Variants in PEAR1 observed in about 807,000 individuals in gnomAD.
PEAR1 encodes the protein platelet endothelial aggregation receptor 1, also known as multiple EGF-like domains protein 12.
PEAR1 carries 113 observed loss-of-function variants against 131.2 expected under a neutral mutation model. That is an observed-to-expected ratio of 0.86 (90% CI 0.74 to 1.01). The LOEUF is 1.01. PEAR1 is among the 50% of genes least tolerant of loss of function. The pLI is 0.00. For synonymous variants in PEAR1, 565 were observed against 523.3 expected, an observed-to-expected ratio of 1.08 and a Z score of -1.09; for missense variants, 1,408 against 1,391.1, an observed-to-expected ratio of 1.01 and a Z score of -0.19.
chr1:156,909,607 T>C (rs961671989), intron 11 of PEAR1, 144 bp from the exon 12 acceptor site: 24 of 909,588 alleles, frequency 2.6e-5, no homozygotes, highest in Non-Finnish European at 3.7e-5. Flanking sequence ...AAATAACTCA[T>C]AAGCTTTTCT....
At chr1:156,914,258 G>A (rs888743041) in intron 22 of PEAR1, among the ~76,000 whole-genome samples, 158 bp downstream of exon 22, 12 of 152,210 alleles carry the variant, frequency 7.9e-5, no homozygotes, top group Non-Finnish European at 1.0e-4. Flanking sequence ...ACGGGGAGGC[G>A]ACGTGGCCTC....
In PEAR1 at chr1:156,908,298, G is replaced by A; in HGVS notation, c.1073G>A (p.Ser358Asn). The A allele has an allele frequency of 6.4e-7, 1 of 1,571,924 alleles. No individual in the cohort carries two copies. Residue 358 changes from serine (S) to asparagine (N), a missense_variant, in exon 9 of 23, where the codon AGC becomes AAC. Coordinates refer to ENST00000292357, the MANE Select transcript of PEAR1 (RefSeq NM_001080471.3). This position sits in a 1 kb window ranked among gnomAD's most constrained non-coding sequence, Gnocchi z 4.2. Reference protein sequence around the residue: ...RLCPDGFYGLSCQAPCTCDRE... With the variant: ...RLCPDGFYGLNCQAPCTCDRE... ...TGCCCCGACGGCTTCTACGGTCTCA[G>A]CTGCCAGGCCCCCTGCACCTGCGAC...
chr1:156,913,388 T>G lies in PEAR1; in HGVS notation c.2512-3T>G. The G allele has an allele frequency of 6.2e-7, 1 of 1,612,946 alleles. No individual in the cohort carries two copies. Among genetic ancestry groups the G allele is most frequent in the Non-Finnish European group, 8.5e-7 (1 of 1,179,774 alleles). On this transcript the variant is annotated splice_polypyrimidine_tract_variant and splice_region_variant and intron_variant, in intron 19 of 22. Coordinates refer to ENST00000292357, the MANE Select transcript of PEAR1 (RefSeq NM_001080471.3). ...CTCTCCCTCCTGCACTGTCCCCTCT[T>G]AGGTTCCAGGCCCGCTCTTTGCCAG... is the stretch of plus-strand genomic sequence containing the variant.
chr1:156,914,143 G>T (rs771929932), intron 22 of PEAR1, 43 bp downstream of exon 22: 2 of 1,507,818 alleles, frequency 1.3e-6, no homozygotes, highest in African/African-American at 2.8e-5. Context: ...AGAGAACTGG[G>T]ACAAGGGAGG....
intron 1 of PEAR1, among the ~76,000 whole-genome samples, chr1:156,898,863 G>A (rs117579849): frequency 6.6e-6 from 1 of 152,292 alleles, no homozygotes; most frequent in East Asian, 1.9e-4. Context: ...CCTTAGTATA[G>A]GAACGGAAAA....
In PEAR1 at chr1:156,913,833, T is replaced by C. The variant is rs78827480; in HGVS notation, c.2714-19T>C. 1,637 of 1,610,944 alleles carry C rather than the reference T, an allele frequency of 1.0e-3. 17 individuals carry two copies. In the African/African-American group the frequency reaches 0.02, roughly 19 times the overall value. On this transcript the variant is annotated intron_variant, in intron 21 of 22. Coordinates refer to ENST00000292357, the MANE Select transcript of PEAR1 (RefSeq NM_001080471.3). ...AACCAGTGCCTCCATGCGGCCTGAC[T>C]TCTTTCCTCTATCCTTAGGGCTCAT...
chr1:156,907,736 G>A lies in PEAR1; in HGVS notation c.765+6G>A, dbSNP rs1309505122. On this transcript the variant is annotated splice_donor_region_variant and intron_variant, in intron 7 of 22. Coordinates refer to ENST00000292357, the MANE Select transcript of PEAR1 (RefSeq NM_001080471.3). Reference sequence around the variant, plus strand: ...GCTGCCCCCCTGGCTGGATGGTATGGAGGGTGGGGCCTGTGGGCATGGGGT... The same window carrying A: ...GCTGCCCCCCTGGCTGGATGGTATGAAGGGTGGGGCCTGTGGGCATGGGGT... 6.2e-7 allele frequency: 1 copy of A among 1,605,588 alleles called. No individual in the cohort carries two copies. The highest frequency in any genetic ancestry group is 8.5e-7 in the Non-Finnish European group (1 of 1,175,378).
At chr1:156,912,146 A>G in intron 15 of PEAR1, 101 bp from the exon 16 acceptor site, 1 of 1,435,846 alleles carries the variant, frequency 7.0e-7, no homozygotes, top group Non-Finnish European at 9.3e-7. Flanking sequence ...GTGCCCAGGG[A>G]GACCAAAGCT....
At chr1:156,906,488 GC>G (rs1650318461) in intron 5 of PEAR1, 120 bp downstream of exon 5, 2 of 1,529,822 alleles carry the variant, frequency 1.3e-6, no homozygotes, top group East Asian at 2.3e-5. Flanking sequence ...ACCCGCCAGA[GC>G]CCCATTGCTG....
chr1:156,904,908 C>T, intron 3 of PEAR1, 56 bp downstream of exon 3: 1 of 1,607,958 alleles, frequency 6.2e-7, no homozygotes, highest in Middle Eastern at 1.7e-4. Context: ...CTGCCTCAGC[C>T]TGGCCCCTGG....
chr1:156,909,734 C>A lies in PEAR1; in HGVS notation c.1412-17C>A. 1 of 1,583,326 alleles carries A rather than the reference C, an allele frequency of 6.3e-7. No homozygotes were observed. The highest frequency in any genetic ancestry group is 8.6e-7 in the Non-Finnish European group (1 of 1,160,144). ...GGAAATGGGTCCCCATACCTACCTA[C>A]CAGGCCCCTCCTCCAGGTTGGCAGC... On this transcript the variant is annotated splice_polypyrimidine_tract_variant and intron_variant, in intron 11 of 22. Coordinates refer to ENST00000292357, the MANE Select transcript of PEAR1 (RefSeq NM_001080471.3).
At position 156,906,889 on chromosome 1, in the gene PEAR1, TG is replaced by T. The variant is rs771219137; in HGVS notation, c.644+15del. On this transcript the variant is annotated intron_variant, in intron 6 of 22. Transcript: ENST00000292357. ...GAGAGAACTGGGCCCAGGTATGTAA[TG>T]GGGGGAACGACACTTTAACAAGATC... 8 of 1,612,478 alleles carry T rather than the reference TG, an allele frequency of 5.0e-6. No individual in the cohort carries two copies. Among genetic ancestry groups the T allele is most frequent in the Admixed American group, 3.3e-5 (2 of 59,824 alleles).
At chr1:156,904,915 C>T (rs1007417322) in intron 3 of PEAR1, 63 bp downstream of exon 3, 1 of 1,605,162 alleles carries the variant, frequency 6.2e-7, no homozygotes, top group Admixed American at 1.7e-5. Flanking sequence ...AGCCTGGCCC[C>T]TGGCCCTCTG....
rs1040982807 is a variant in PEAR1, at chr1:156,913,475, G to A, written c.2596G>A (p.Ala866Thr). Residue 866 changes from alanine (A) to threonine (T), a missense_variant, in exon 20 of 23, where the codon GCT (alanine) becomes ACT (threonine). Coordinates refer to ENST00000292357, the MANE Select transcript of PEAR1 (RefSeq NM_001080471.3). ...QGHDNHTTLP[A>T]DWKHRREPPP... ...GCATGATAACCACACCACCCTGCCT[G>A]CTGACTGGAAGCACCGCCGGGAGCC... The A allele has an allele frequency of 3.7e-6, 6 of 1,613,338 alleles. No individual in the cohort carries two copies. The highest frequency in any genetic ancestry group is 2.7e-5 in the African/African-American group (2 of 74,954).
At chr1:156,904,892 G>C (rs1371264598) in intron 3 of PEAR1, 40 bp downstream of exon 3, 1 of 1,612,934 alleles carries the variant, frequency 6.2e-7, no homozygotes, top group South Asian at 1.1e-5. Context: ...TGGGCTACCT[G>C]AGTCGCTGCC....
At chr1:156,901,983 G>A (rs1649728082) in intron 1 of PEAR1, among the ~76,000 whole-genome samples, 2 of 152,096 alleles carry the variant, frequency 1.3e-5, no homozygotes, top group South Asian at 4.1e-4. Context: ...TCTGGGGAGT[G>A]TCTCTAGGGC....
At position 156,913,229 on chromosome 1, in the gene PEAR1, C is replaced by T. The variant is rs760560376; in HGVS notation, c.2458C>T (p.Pro820Ser). Residue 820 changes from proline (P) to serine (S), a missense_variant, in exon 19 of 23, where the codon CCC becomes TCC. Physicochemically the swap from Pro to Ser is moderately conservative, Grantham distance 74. Transcript: ENST00000292357. ...GAGCTACAGTCACTACTACTCCAAC[C>T]CCAGCTACCACACCCTGTCGCAGTG... ...PPSYSHYYSN[P>S]SYHTLSQCSP... 2.0e-5 allele frequency: 33 copies of T among 1,613,704 alleles called. No individual in the cohort carries two copies. Among genetic ancestry groups the T allele is most frequent in the Non-Finnish European group, 2.6e-5 (31 of 1,179,918 alleles).
intron 1 of PEAR1, among the ~76,000 whole-genome samples, chr1:156,900,177 G>A (rs1007293188): frequency 1.3e-5 from 2 of 152,206 alleles, no homozygotes; most frequent in East Asian, 1.9e-4. Flanking sequence ...CTGCGCAGGC[G>A]GGACTGGGAT....
At position 156,912,782 on chromosome 1, in the gene PEAR1, C is replaced by T; in HGVS notation, c.2222C>T (p.Pro741Leu). The T allele has an allele frequency of 1.2e-6, 2 of 1,614,146 alleles. No individual in the cohort carries two copies. Among genetic ancestry groups the T allele is most frequent in the East Asian group, 2.2e-5 (1 of 44,888 alleles). Residue 741 changes from proline to leucine, a missense_variant, in exon 18 of 23, where the codon CCC (proline) becomes CTC (leucine). By Grantham distance (98) the Pro-to-Leu change is moderately conservative. Coordinates refer to ENST00000292357, the MANE Select transcript of PEAR1 (RefSeq NM_001080471.3). ...GAPCRIGIQE[P>L]FTVMPTTPVA... Reference sequence around the variant, plus strand: ...CCATTCCACACAGGAATCCAGGAGCCCTTTACTGTGATGCCGACCACTCCA... The same window carrying T: ...CCATTCCACACAGGAATCCAGGAGCTCTTTACTGTGATGCCGACCACTCCA...
Sources: allele counts gnomAD v4.1 joint callset (sites outside exome capture counted in the v4.1 genomes callset), GRCh38; gene constraint gnomAD v4.1.1; non-coding constraint Gnocchi (gnomAD v3.1); transcripts MANE v1.5; gene names NCBI Gene and HGNC (gene_info 2026-07-23, HGNC 2026-07-21).